GGA3: variants seen among roughly 807,000 people sequenced by gnomAD.
GGA3 encodes the protein ADP-ribosylation factor-binding protein GGA3.
Under a neutral mutation model 77.5 loss-of-function variants are expected in GGA3, and 57 were observed. That is an observed-to-expected ratio of 0.74 (90% CI 0.59 to 0.92). The LOEUF (loss-of-function observed/expected upper bound fraction) is 0.92, where lower values mean the gene tolerates loss of function less well. Among genes scored for constraint, GGA3 ranks in the 40% least tolerant of loss-of-function variants. The probability of loss-of-function intolerance (pLI) is 0.00; values close to 1 mark genes in which losing one functional copy is unlikely to be tolerated. For missense variants in GGA3, 970 were observed against 914.9 expected (o/e 1.06, Z -0.78); for synonymous variants, 416 against 383.7 (o/e 1.08, Z -0.98).
Position 75,239,466 on chromosome 17 carries a change from C to T in GGA3, c.1689G>A (p.Gln563=). 1 of 1,581,512 alleles carries T rather than the reference C, an allele frequency of 6.3e-7. No homozygotes were observed. Among genetic ancestry groups the T allele is most frequent in the East Asian group, 2.2e-5 (1 of 44,692 alleles). Residue 563 remains glutamine (Q), a synonymous_variant, in exon 14 of 17, where the codon CAG becomes CAA. Coordinates refer to ENST00000537686, the MANE Select transcript of GGA3 (RefSeq NM_138619.4). ...FSTGPGSPLF[Q]PLSFQSQGSP... is the part of the protein sequence containing the mutation. ...TGCCCTGGGACTGGAAACTCAGTGG[C>T]TGGAAGAGCGGGCTGCCGGGCCCCG...
rs1426929212 is a variant in GGA3 at position 75,240,152 on chromosome 17, G to C, written c.1264-44C>G. 3 of 1,312,314 alleles carry C rather than the reference G, an allele frequency of 2.3e-6. 1 individual carries two copies. The highest frequency in any genetic ancestry group is 3.2e-6 in the Non-Finnish European group (3 of 941,740). 81.3% of individuals were successfully genotyped at this position (1,312,314 alleles called of 1,614,324 possible). A position where few individuals can be genotyped will look rare whatever the true frequency, so the allele number is the denominator to read the frequency against. On this transcript the variant is annotated intron_variant, in intron 12 of 16. Transcript: ENST00000537686. ...GTGGTGAGCCGAGGGCGGGTGGGGAGGGCCTGCCGCTGGAACGGGGCGCAG... is the reference window on the plus strand; with the variant it reads ...GTGGTGAGCCGAGGGCGGGTGGGGACGGCCTGCCGCTGGAACGGGGCGCAG...
intron 1 of GGA3, among the ~76,000 whole-genome samples, chr17:75,257,273 A>C (rs1489023456): frequency 1.8e-4 from 14 of 79,950 alleles, no homozygotes; most frequent in East Asian, 1.0e-3. Context: ...ACCAACTTAG[A>C]CTGTGCCCCC....
chr17:75,246,818 G>C (rs1567792863), intron 1 of GGA3, 22 bp from the exon 2 acceptor site: 1 of 1,584,002 alleles, frequency 6.3e-7, no homozygotes, highest in East Asian at 2.2e-5. Flanking sequence ...ACAAAGAAGA[G>C]GACAAGTGTT....
chr17:75,258,825 G>GT (rs141849647), intron 1 of GGA3, among the ~76,000 whole-genome samples: 19,918 of 148,514 alleles, frequency 0.13, 3,411 homozygotes, highest in African/African-American at 0.39. Context: ...ACCATCTAGT[G>GT]TTTTTTTTTT....
chr17:75,255,805 T>G (rs796462132), intron 1 of GGA3, among the ~76,000 whole-genome samples: 1 of 138,988 alleles, frequency 7.2e-6, no homozygotes, highest in Non-Finnish European at 1.6e-5. Context: ...CAATCCATTA[T>G]TCTGTTCTGG....
chr17:75,261,581 C>G lies in GGA3; in HGVS notation c.7G>C (p.Glu3Gln), dbSNP rs2077382744. ...GACTCCAGGCTTTCCCCTTCCGCCT[C>G]CGCCATATTGCAGCCGCCCGGCCCC... MA[E>Q]AEGESLESWL... The change falls in exon 1 of 17, where the codon GAG (glutamate) becomes CAG (glutamine). Residue 3 changes from glutamate to glutamine, a missense_variant. By Grantham distance (29) the Glu-to-Gln change is conservative (BLOSUM62 2). Transcript: ENST00000537686. 1 of 1,555,658 alleles carries G rather than the reference C, an allele frequency of 6.4e-7. No individual in the cohort carries two copies. The highest frequency in any genetic ancestry group is 1.2e-5 in the South Asian group (1 of 84,020).
intron 1 of GGA3, among the ~76,000 whole-genome samples, chr17:75,247,743 C>T (rs989394090): frequency 9.9e-5 from 15 of 152,196 alleles, no homozygotes; most frequent in African/African-American, 3.4e-4. Context: ...CTAGCACCCC[C>T]AGGCTCTAAT....
chr17:75,238,857 G>T, intron 15 of GGA3, 57 bp downstream of exon 15: 3 of 1,593,102 alleles, frequency 1.9e-6, no homozygotes, highest in Non-Finnish European at 2.6e-6. Context: ...GGCTGCAAAG[G>T]CCTCTACACA....
chr17:75,259,407 G>A (rs947938654), intron 1 of GGA3, among the ~76,000 whole-genome samples: 4 of 152,194 alleles, frequency 2.6e-5, no homozygotes, highest in African/African-American at 9.7e-5. Flanking sequence ...TGAGAAAAGA[G>A]AATCTGAGAT....
intron 1 of GGA3, among the ~76,000 whole-genome samples, chr17:75,251,706 CAA>C (rs35924573): frequency 1.5e-5 from 1 of 68,224 alleles, no homozygotes; most frequent in East Asian, 5.1e-4. Context: ...GACTCCTTCT[CAA>C]AAAAAAAAAA....
In GGA3 at chr17:75,239,755, C is replaced by A. The variant is rs369251703; in HGVS notation, c.1583+34G>T. The A allele has an allele frequency of 2.5e-6, 4 of 1,608,368 alleles. No individual in the cohort carries two copies. In the African/African-American group the frequency reaches 5.3e-5, roughly 21 times the overall value. ...TGGTTCTGACACATTCAGGCCCAACCCTCAGCAACCCCACATCTCCTCCCA... is the reference window on the plus strand; with the variant it reads ...TGGTTCTGACACATTCAGGCCCAACACTCAGCAACCCCACATCTCCTCCCA... On this transcript the variant is annotated intron_variant, in intron 13 of 16. Coordinates refer to ENST00000537686, the MANE Select transcript of GGA3 (RefSeq NM_138619.4).
At chr17:75,262,248 G>T, upstream of GGA3, 1 of 635,854 alleles carries the variant, frequency 1.6e-6, no homozygotes, top group South Asian at 1.9e-5. Context: ...CCTGTGAATT[G>T]GGATGGGTGT....
Position 75,261,578 on chromosome 17 carries a change from C to T in GGA3, c.10G>A (p.Ala4Thr), listed in dbSNP as rs746577309. 2.1e-5 allele frequency: 33 copies of T among 1,555,032 alleles called. No homozygotes were observed. Among genetic ancestry groups the T allele is most frequent in the African/African-American group, 2.8e-5 (2 of 72,198 alleles). Residue 4 changes from alanine (A) to threonine (T), a missense_variant, in exon 1 of 17, where the codon GCG becomes ACG. By Grantham distance (58) the Ala-to-Thr change is moderately conservative. Transcript: ENST00000537686. ...CAGGACTCCAGGCTTTCCCCTTCCG[C>T]CTCCGCCATATTGCAGCCGCCCGGC... The part of the protein sequence containing the change: MAE[A>T]EGESLESWLN...
rs1052042724 is a variant in GGA3, at chr17:75,239,719, A to G, written c.1583+70T>C. On this transcript the variant is annotated intron_variant, in intron 13 of 16. Coordinates refer to ENST00000537686, the MANE Select transcript of GGA3 (RefSeq NM_138619.4). ...GACTACAAGGCACCCCCACCCCTTC[A>G]AAGTTAGCTCTGGTTCTGACACATT... 10 of 1,570,844 alleles carry G rather than the reference A, an allele frequency of 6.4e-6. No homozygotes were observed. The Admixed American group carries it at 6.7e-5, about 10-fold the overall frequency.
intron 4 of GGA3, 188 bp downstream of exon 4, chr17:75,244,431 A>G (rs781639555): frequency 5.2e-6 from 3 of 580,974 alleles, no homozygotes; most frequent in Non-Finnish European, 9.3e-6. Context: ...GGCGCTTCAG[A>G]AAAAGCTGCC....
Position 75,246,813 on chromosome 17 carries a change from G to T in GGA3, c.41-17C>A. ...TGGCTTTATCTTGCAACACAACAAAGAAGAGGACAAGTGTTAGGAAGAGCA... is the reference window on the plus strand; with the variant it reads ...TGGCTTTATCTTGCAACACAACAAATAAGAGGACAAGTGTTAGGAAGAGCA... On this transcript the variant is annotated splice_polypyrimidine_tract_variant and intron_variant, in intron 1 of 16. Transcript: ENST00000537686. The T allele has an allele frequency of 6.3e-7, 1 of 1,599,164 alleles. No individual in the cohort carries two copies.
intron 1 of GGA3, among the ~76,000 whole-genome samples, chr17:75,250,293 C>T (rs1037435065): frequency 9.2e-5 from 14 of 152,210 alleles, no homozygotes; most frequent in South Asian, 4.1e-4. Context: ...TGTCTATTTT[C>T]GAGTCTCTGT....
chr17:75,243,139 G>A lies in GGA3; in HGVS notation c.452C>T (p.Pro151Leu). 1 of 1,611,874 alleles carries A rather than the reference G, an allele frequency of 6.2e-7. No homozygotes were observed. Among genetic ancestry groups the A allele is most frequent in the South Asian group, 1.1e-5 (1 of 90,812 alleles). The change falls in exon 6 of 17, where the codon CCT (proline) becomes CTT (leucine). Residue 151 changes from proline (P) to leucine (L), a missense_variant. Coordinates refer to ENST00000537686, the MANE Select transcript of GGA3 (RefSeq NM_138619.4). ...QGIVQSDPPI[P>L]VDRTLIPSPP... ...AGAGGGGATCAGCGTCCTATCCACA[G>A]GAATTGGTGGGTCAGACTGCACTAT...
At position 75,236,769 on chromosome 17, in the gene GGA3, CAG is replaced by C. The variant is rs1311835174; in HGVS notation, c.*1508_*1509del. The C allele has an allele frequency of 6.5e-6, 1 of 153,956 alleles. No individual in the cohort carries two copies. Among genetic ancestry groups the C allele is most frequent in the Non-Finnish European group, 1.5e-5 (1 of 68,930 alleles). The allele number at this position is 153,956 out of a possible 1,614,324, so 9.5% of individuals were successfully genotyped here. A position where few individuals can be genotyped will look rare whatever the true frequency, so the allele number is the denominator to read the frequency against. On this transcript the variant is annotated 3_prime_UTR_variant, in exon 17 of 17. Coordinates refer to ENST00000537686, the MANE Select transcript of GGA3 (RefSeq NM_138619.4). ...GTTCCATTTCCACATAGTAATTCCA[CAG>C]ACATTCCCAGGGCTGCAGCAGCCAG...
Sources: allele counts gnomAD v4.1 joint callset (sites outside exome capture counted in the v4.1 genomes callset), GRCh38; gene constraint gnomAD v4.1.1; transcripts MANE v1.5; gene names NCBI Gene and HGNC (gene_info 2026-07-23, HGNC 2026-07-21).